Variants in ZNF766 observed in about 807,000 individuals in gnomAD.
ZNF766 encodes the protein zinc finger protein 766.
In ZNF766, 13 loss-of-function variants were observed where a neutral mutation model predicts 13.2. That is an observed-to-expected ratio of 0.98 (90% confidence interval 0.64 to 1.56). The LOEUF (loss-of-function observed/expected upper bound fraction) is 1.56. ZNF766 is among the 40% of genes most tolerant of loss of function. ZNF766 has a pLI of 0.00. For synonymous variants in ZNF766, 178 were observed against 187.6 expected (o/e 0.95, Z 0.42); for missense variants, 521 against 552.2 (o/e 0.94, Z 0.57).
At chr19:52,280,401 A>T (rs1056029757) in intron 1 of ZNF766, among the ~76,000 whole-genome samples, 1 of 152,132 alleles carries the variant, frequency 6.6e-6, no homozygotes, top group Non-Finnish European at 1.5e-5. Flanking sequence ...CATCTAAAAA[A>T]TAGGTCATTG....
At chr19:52,270,049 G>T (rs551162351) in intron 1 of ZNF766, among the ~76,000 whole-genome samples, 1 of 152,138 alleles carries the variant, frequency 6.6e-6, no homozygotes, top group South Asian at 2.1e-4. Flanking sequence ...CCCCTGATCT[G>T]CCTGCCGCCG....
In ZNF766 at chr19:52,290,834, T is replaced by G. The variant is rs757444596; in HGVS notation, c.1043T>G (p.Ile348Ser). Residue 348 changes from isoleucine (I) to serine (S), a missense_variant, in exon 4 of 4, where the codon ATC (isoleucine) becomes AGC (serine). Transcript: ENST00000439461. ...GHSSLTTHLL[I>S]HTGEKPYKCK... ...TCAAGCCTCACCACCCATCTGTTAA[T>G]CCACACTGGAGAGAAACCTTACAAA... 11 of 1,614,074 alleles carry G rather than the reference T, an allele frequency of 6.8e-6. No homozygotes were observed. The highest frequency in any genetic ancestry group is 9.3e-6 in the Non-Finnish European group (11 of 1,179,980).
chr19:52,283,632 G>T (rs987057508), intron 3 of ZNF766, among the ~76,000 whole-genome samples: 1 of 152,098 alleles, frequency 6.6e-6, no homozygotes, highest in African/African-American at 2.4e-5. Context: ...GTTTATAAGT[G>T]GGAGAATTGT....
intron 1 of ZNF766, among the ~76,000 whole-genome samples, chr19:52,274,056 T>C (rs1405159190): frequency 6.6e-6 from 1 of 152,210 alleles, no homozygotes; most frequent in Non-Finnish European, 1.5e-5. Flanking sequence ...GTTCCAGAAA[T>C]GAAGAATTCA....
intron 3 of ZNF766, 97 bp from the exon 4 acceptor site, chr19:52,289,969 C>G: frequency 7.5e-7 from 1 of 1,326,734 alleles, no homozygotes; most frequent in Non-Finnish European, 1.0e-6. Context: ...CCACTGCACT[C>G]CAGCCTGGGT....
chr19:52,289,187 G>C lies in ZNF766; in HGVS notation c.275-879G>C, dbSNP rs1235199128. Among the ~76,000 whole-genome samples the C allele has an allele frequency of 2.9e-5, 4 of 135,958 alleles. No individual in the cohort carries two copies. The South Asian group carries it at 9.2e-4, about 31-fold the overall frequency. 89.2% of individuals were successfully genotyped at this position (135,958 alleles called of 152,430 possible). ...TTTTTTTGAAACGGATTCTCATTCT[G>C]TCACTCAGGCTAGAGTTTAATGGCA... is the stretch of plus-strand genomic sequence containing the variant. On this transcript the variant is annotated intron_variant, in intron 3 of 3. Coordinates refer to ENST00000439461, the MANE Select transcript of ZNF766 (RefSeq NM_001010851.3).
In ZNF766 at chr19:52,292,258, G is replaced by T. The variant is rs915066992; in HGVS notation, c.*1060G>T. On this transcript the variant is annotated 3_prime_UTR_variant, in exon 4 of 4. Transcript: ENST00000439461. ...GAGGAATAAGGACACTGCCTTTTCA[G>T]ATTAAAGATTGTCTGATTTAGAGAC... 8.7e-6 allele frequency: 6 copies of T among 689,590 alleles called. No homozygotes were observed. Among genetic ancestry groups the T allele is most frequent in the Non-Finnish European group, 1.6e-5 (6 of 380,858 alleles). 42.7% of individuals were successfully genotyped at this position (689,590 alleles called of 1,614,324 possible).
At position 52,290,805 on chromosome 19, in the gene ZNF766, G is replaced by T. The variant is rs1233312674; in HGVS notation, c.1014G>T (p.Gly338=). Reference sequence around the variant, plus strand: ...ATAAATGTGGCAAAGAATTTAGTGGGCATTCAAGCCTCACCACCCATCTGT... The same window carrying T: ...ATAAATGTGGCAAAGAATTTAGTGGTCATTCAAGCCTCACCACCCATCTGT... ...KCNKCGKEFS[G]HSSLTTHLLI... The change falls in exon 4 of 4, where the codon GGG becomes GGT. Residue 338 remains glycine (G), a synonymous_variant. Coordinates refer to ENST00000439461, the MANE Select transcript of ZNF766 (RefSeq NM_001010851.3). 2.5e-6 allele frequency: 4 copies of T among 1,613,616 alleles called. No homozygotes were observed. Among genetic ancestry groups the T allele is most frequent in the African/African-American group, 1.3e-5 (1 of 74,916 alleles).
At chr19:52,274,479 A>T in intron 1 of ZNF766, 1 of 152,418 alleles carries the variant, frequency 6.6e-6, no homozygotes, top group East Asian at 1.9e-4. Context: ...TTTAACCTGG[A>T]TGTGGAGGAG....
chr19:52,273,035 A>G (rs1424938742), intron 1 of ZNF766, among the ~76,000 whole-genome samples: 2 of 151,800 alleles, frequency 1.3e-5, no homozygotes, highest in Non-Finnish European at 1.5e-5. Context: ...TTCGAGACGG[A>G]GTCTTGCTGT....
chr19:52,282,099 CTTTTATT>C lies in ZNF766; in HGVS notation c.19-9_19-3del, dbSNP rs777437336. 1.6e-5 allele frequency: 26 copies of C among 1,594,530 alleles called. No individual in the cohort carries two copies. The highest frequency in any genetic ancestry group is 2.1e-5 in the Non-Finnish European group (25 of 1,168,218). On this transcript the variant is annotated splice_polypyrimidine_tract_variant and splice_region_variant and intron_variant, in intron 1 of 3. Coordinates refer to ENST00000439461, the MANE Select transcript of ZNF766 (RefSeq NM_001010851.3). ...TCCTTACCCTGTTGGTCAAATACAT[CTTTTATT>C]TTAGGGACACTTGACATTCAGGGAC... is the stretch of plus-strand genomic sequence containing the variant.
At chr19:52,274,097 G>A (rs547482898) in intron 1 of ZNF766, among the ~76,000 whole-genome samples, 1 of 152,302 alleles carries the variant, frequency 6.6e-6, no homozygotes, top group Non-Finnish European at 1.5e-5. Flanking sequence ...CTTCTGAGCA[G>A]GATGATACAA....
chr19:52,277,196 A>T (rs1042519801), intron 1 of ZNF766: 12 of 1,188,592 alleles, frequency 1.0e-5, no homozygotes, highest in Non-Finnish European at 1.3e-5. Context: ...GCGGGGGCTC[A>T]TACCTGTAAT....
chr19:52,295,173 T>A lies in ZNF766; in HGVS notation c.*3975T>A, dbSNP rs1185127162. ...TCTTTTTCTGTACATTGCATCCAGA[T>A]GCTATGCTTGTTTGTTTTTTTTTTT... On this transcript the variant is annotated 3_prime_UTR_variant, in exon 4 of 4. Coordinates refer to ENST00000439461, the MANE Select transcript of ZNF766 (RefSeq NM_001010851.3). 6.6e-6 allele frequency: 1 copy of A among 150,444 alleles called. No individual in the cohort carries two copies. The highest frequency in any genetic ancestry group is 1.5e-5 in the Non-Finnish European group (1 of 67,806). 9.3% of individuals were successfully genotyped at this position (150,444 alleles called of 1,614,324 possible).
At position 52,295,185 on chromosome 19, in the gene ZNF766, TTG is replaced by T. The variant is rs922597669; in HGVS notation, c.*3989_*3990del. ...CATTGCATCCAGATGCTATGCTTGTTTGTTTTTTTTTTTGAGACAGAGTCTTG... is the reference window on the plus strand; with the variant it reads ...CATTGCATCCAGATGCTATGCTTGTTTTTTTTTTTTTGAGACAGAGTCTTG... On this transcript the variant is annotated 3_prime_UTR_variant, in exon 4 of 4. Transcript: ENST00000439461. 1 of 144,902 alleles carries T rather than the reference TTG, an allele frequency of 6.9e-6. No homozygotes were observed. Among genetic ancestry groups the T allele is most frequent in the African/African-American group, 2.6e-5 (1 of 38,048 alleles). 9.0% of individuals were successfully genotyped at this position (144,902 alleles called of 1,614,324 possible).
intron 1 of ZNF766, among the ~76,000 whole-genome samples, chr19:52,278,529 G>A (rs1303832919): frequency 3.9e-5 from 6 of 151,924 alleles, no homozygotes; most frequent in Non-Finnish European, 7.4e-5. Flanking sequence ...TCAGCCTCCC[G>A]AGTAGCTGGG....
chr19:52,279,461 C>T (rs1163687535), intron 1 of ZNF766, among the ~76,000 whole-genome samples: 2 of 152,108 alleles, frequency 1.3e-5, no homozygotes, highest in Non-Finnish European at 2.9e-5. Flanking sequence ...GCAGTATGGT[C>T]ATTTTAATTA....
chr19:52,272,430 C>G (rs993753248), intron 1 of ZNF766, among the ~76,000 whole-genome samples: 6 of 152,070 alleles, frequency 3.9e-5, no homozygotes, highest in Admixed American at 2.0e-4. Flanking sequence ...GCTGTCTTCT[C>G]TGAATGTGGG....
chr19:52,281,601 G>T (rs539118240), intron 1 of ZNF766, among the ~76,000 whole-genome samples: 8 of 152,310 alleles, frequency 5.3e-5, no homozygotes, highest in Admixed American at 3.3e-4. Context: ...GGATACATGT[G>T]TATGCATATA....
Sources: allele counts gnomAD v4.1 joint callset (sites outside exome capture counted in the v4.1 genomes callset), GRCh38; gene constraint gnomAD v4.1.1; transcripts MANE v1.5; gene names NCBI Gene and HGNC (gene_info 2026-07-23, HGNC 2026-07-21).